Variants in JPH1 observed in about 807,000 individuals in gnomAD.
The protein encoded by JPH1 is junctophilin 1, also known as junctophilin-1.
In JPH1, 12 loss-of-function variants were observed where a neutral mutation model predicts 53.6. The observed-to-expected ratio is 0.22, with a 90% CI of 0.14 to 0.36. The LOEUF (loss-of-function observed/expected upper bound fraction) is 0.36. JPH1 is among the 10% of genes least tolerant of loss of function. The pLI is 1.00. For missense variants in JPH1, 808 were observed against 905.5 expected (o/e 0.89, Z 1.38); for synonymous variants, 375 against 363.8 (o/e 1.03, Z -0.35).
chr8:74,316,698 T>C (rs1028866098), intron 1 of JPH1, among the ~76,000 whole-genome samples: 1 of 152,222 alleles, frequency 6.6e-6, no homozygotes, highest in African/African-American at 2.4e-5. Flanking sequence ...TCAACAAATA[T>C]TATGCTTTTT....
chr8:74,315,563 C>T lies in JPH1; in HGVS notation c.437G>A (p.Ser146Asn), dbSNP rs1030690661. 2 of 1,605,906 alleles carry T rather than the reference C, an allele frequency of 1.2e-6. No individual in the cohort carries two copies. The highest frequency in any genetic ancestry group is 1.3e-5 in the African/African-American group (1 of 74,934). Residue 146 changes from serine to asparagine, a missense_variant, in exon 2 of 6, where the codon AGC becomes AAC. Around this residue, in one of 2 missense-constraint regions of JPH1, gnomAD observed 756 missense variants for 811.9 expected, o/e 0.93. Transcript: ENST00000342232. The surrounding 1 kb of genome is among the most constrained non-coding windows in gnomAD (Gnocchi z 6.3). Reference protein sequence around the residue: ...GMRHGYGVRQSVPYGMATVIR... With the variant: ...GMRHGYGVRQNVPYGMATVIR... ...CACCGTGGCCATGCCGTAGGGCACG[C>T]TCTGGCGCACGCCGTAGCCATGCCG...
Position 74,236,229 on chromosome 8 carries a change from C to A in JPH1, c.*822G>T, listed in dbSNP as rs1208893342. 6.6e-6 allele frequency: 1 copy of A among 151,970 alleles called. No individual in the cohort carries two copies. Among genetic ancestry groups the A allele is most frequent in the Non-Finnish European group, 1.5e-5 (1 of 67,980 alleles). The allele number at this position is 151,970 out of a possible 1,614,324, so 9.4% of individuals were successfully genotyped here. A position where few individuals can be genotyped will look rare whatever the true frequency, so the allele number is the denominator to read the frequency against. On this transcript the variant is annotated 3_prime_UTR_variant, in exon 6 of 6. Coordinates refer to ENST00000342232, the MANE Select transcript of JPH1 (RefSeq NM_020647.4). ...TTGCTAAATTTTAAAGATAAATAAC[C>A]TTTTACAAGTATAGGAAGAATAAAT...
At chr8:74,310,278 G>C (rs1233744062) in intron 2 of JPH1, among the ~76,000 whole-genome samples, 1 of 140,866 alleles carries the variant, frequency 7.1e-6, no homozygotes, top group Non-Finnish European at 1.5e-5. Flanking sequence ...TCCACCTTTT[G>C]AACATTTCTT....
rs529355952 is a variant in JPH1, at chr8:74,244,912, C to T, written c.1522G>A (p.Ala508Thr). Residue 508 changes from alanine (A) to threonine (T), a missense_variant, in exon 4 of 6, where the codon GCC becomes ACC. Transcript: ENST00000342232. ...GACATCAAGGGCTTATTGACAATGG[C>T]CGTCACCTGCTCATCAGCCACACTC... ...KRSVADEQVT[A>T]IVNKPLMSKA... The T allele has an allele frequency of 2.5e-6, 4 of 1,614,180 alleles. No homozygotes were observed. In the South Asian group the frequency reaches 3.3e-5, roughly 13 times the overall value.
chr8:74,272,163 T>C (rs1806718736), intron 2 of JPH1, among the ~76,000 whole-genome samples: 1 of 152,200 alleles, frequency 6.6e-6, no homozygotes, highest in Non-Finnish European at 1.5e-5. Flanking sequence ...CTGTCTCCCC[T>C]GAAATTTTTT....
chr8:74,293,426 G>C (rs1330937215), intron 2 of JPH1, among the ~76,000 whole-genome samples: 1 of 152,144 alleles, frequency 6.6e-6, no homozygotes, highest in Non-Finnish European at 1.5e-5. Context: ...AACCCTGTGA[G>C]GAGGTGCCAC....
At chr8:74,250,323 G>T (rs1806005934) in intron 3 of JPH1, among the ~76,000 whole-genome samples, 1 of 152,028 alleles carries the variant, frequency 6.6e-6, no homozygotes, top group South Asian at 2.1e-4. Flanking sequence ...AGTGGAGATG[G>T]GGTTTCACCA....
chr8:74,314,485 A>G (rs1393209902), intron 2 of JPH1, among the ~76,000 whole-genome samples: 1 of 152,160 alleles, frequency 6.6e-6, no homozygotes, highest in Non-Finnish European at 1.5e-5. Context: ...GGTACACAAA[A>G]CACAATGCTT....
At chr8:74,266,475 G>A (rs1010574375) in intron 2 of JPH1, among the ~76,000 whole-genome samples, 4 of 152,106 alleles carry the variant, frequency 2.6e-5, no homozygotes, top group Non-Finnish European at 5.9e-5. Context: ...AATATTACAC[G>A]CGGTACCTAG....
At chr8:74,272,593 C>T (rs151243575) in intron 2 of JPH1, among the ~76,000 whole-genome samples, 1,758 of 148,330 alleles carry the variant, frequency 0.012, 18 homozygotes, top group Non-Finnish European at 0.017. Context: ...CTGTTGGACC[C>T]TTAGTTCTTT....
At chr8:74,239,137 T>A (rs911805490) in intron 4 of JPH1, among the ~76,000 whole-genome samples, 2 of 152,064 alleles carry the variant, frequency 1.3e-5, no homozygotes, top group Non-Finnish European at 2.9e-5. Flanking sequence ...AAAATAAACA[T>A]TTTTTGCAGG....
At position 74,259,416 on chromosome 8, in the gene JPH1, G is replaced by C. The variant is rs1055216265; in HGVS notation, c.1227C>G (p.Ala409=). 1.9e-6 allele frequency: 3 copies of C among 1,613,808 alleles called. No homozygotes were observed. Among genetic ancestry groups the C allele is most frequent in the Middle Eastern group, 1.7e-4 (1 of 6,026 alleles). Residue 409 remains alanine, a synonymous_variant, in exon 3 of 6, where the codon GCC becomes GCG. Transcript: ENST00000342232. Reference sequence around the variant, plus strand: ...GGTAGAAATCAGGTGACAGCTCCCTGGCCACAGCTCTCGCGATGTCGCACT... The same window carrying C: ...GGTAGAAATCAGGTGACAGCTCCCTCGCCACAGCTCTCGCGATGTCGCACT... ...RQECDIARAV[A]RELSPDFYQP...
Position 74,235,499 on chromosome 8 carries a change from T to TA in JPH1, c.*1551dup, listed in dbSNP as rs10712763. Reference sequence around the variant, plus strand: ...CATTGAAAAGGTAGCTAATATGGTGTAAAAAAAAAAAAAAATCTGATTAAA... The same window carrying TA: ...CATTGAAAAGGTAGCTAATATGGTGTAAAAAAAAAAAAAAAATCTGATTAAA... On this transcript the variant is annotated 3_prime_UTR_variant, in exon 6 of 6. Coordinates refer to ENST00000342232, the MANE Select transcript of JPH1 (RefSeq NM_020647.4). The TA allele has an allele frequency of 1.8e-3, 262 of 148,364 alleles. No individual in the cohort carries two copies. Among genetic ancestry groups the TA allele is most frequent in the Middle Eastern group, 3.5e-3 (1 of 288 alleles). 9.2% of individuals were successfully genotyped at this position (148,364 alleles called of 1,614,324 possible).
At position 74,255,934 on chromosome 8, in the gene JPH1, A is replaced by G. The variant is rs188367966; in HGVS notation, c.1258+3451T>C. 1.5e-3 allele frequency among the ~76,000 whole-genome samples: 225 copies of G among 152,294 alleles called. 1 individual carries two copies. The highest frequency in any genetic ancestry group is 2.5e-3 in the Non-Finnish European group (173 of 68,022). On this transcript the variant is annotated intron_variant, in intron 3 of 5. Coordinates refer to ENST00000342232, the MANE Select transcript of JPH1 (RefSeq NM_020647.4). ...TGTGGAGAAATAGGAATACTTTTAC[A>G]CTGTTGGTGGGACTGTAAACTAGTT...
At chr8:74,287,970 T>C (rs567659743) in intron 2 of JPH1, among the ~76,000 whole-genome samples, 2 of 152,224 alleles carry the variant, frequency 1.3e-5, no homozygotes, top group South Asian at 4.1e-4. Context: ...TTTTTTTTTT[T>C]CAGCTAGAAA....
At chr8:74,293,992 C>G (rs1807419568) in intron 2 of JPH1, among the ~76,000 whole-genome samples, 1 of 152,194 alleles carries the variant, frequency 6.6e-6, no homozygotes, top group Non-Finnish European at 1.5e-5. Flanking sequence ...GGTCCCCCTT[C>G]ACTGCAGGAA....
intron 2 of JPH1, among the ~76,000 whole-genome samples, chr8:74,303,131 G>C (rs2131449033): frequency 6.6e-6 from 1 of 152,222 alleles, no homozygotes; most frequent in African/African-American, 2.4e-5. Context: ...TGCTTTACTT[G>C]TACTTCTTAA....
Position 74,320,099 on chromosome 8 carries a change from C to G in JPH1, c.379+810G>C, listed in dbSNP as rs1808271296. Among the ~76,000 whole-genome samples, 1 of 152,184 alleles carries G rather than the reference C, an allele frequency of 6.6e-6. No homozygotes were observed. Among genetic ancestry groups the G allele is most frequent in the Non-Finnish European group, 1.5e-5 (1 of 68,028 alleles). ...CATTCTCAGGAGTAGTAGCTGCTAA[C>G]TTAGCAGCTATAGGAACACACCTGC... On this transcript the variant is annotated intron_variant, in intron 1 of 5. Coordinates refer to ENST00000342232, the MANE Select transcript of JPH1 (RefSeq NM_020647.4). This position sits in a 1 kb window ranked among gnomAD's most constrained non-coding sequence, Gnocchi z 4.4.
intron 2 of JPH1, among the ~76,000 whole-genome samples, chr8:74,271,845 T>C (rs1806709856): frequency 6.6e-6 from 1 of 152,110 alleles, no homozygotes; most frequent in South Asian, 2.1e-4. Flanking sequence ...GGGTCCATCA[T>C]GTTGTTTGGA....
Sources: gnomAD v4.1 joint callset for allele counts (sites outside exome capture counted in the v4.1 genomes callset) on GRCh38, gnomAD v4.1.1 for gene constraint, gnomAD v4.1.1 regional missense constraint, Gnocchi (gnomAD v3.1) non-coding constraint, MANE v1.5 for transcripts, NCBI Gene and HGNC (gene_info 2026-07-23, HGNC 2026-07-21) for gene names.